The following MBNL1 variants were observed in gnomAD, a reference collection of about 807,000 sequenced individuals.
The protein encoded by MBNL1 is muscleblind-like protein 1.
MBNL1 carries 8 observed loss-of-function variants against 42.2 expected under a neutral mutation model. The ratio of observed to expected loss-of-function variants is 0.19; its 90% CI spans 0.11 to 0.34. The LOEUF (loss-of-function observed/expected upper bound fraction) is 0.34. MBNL1 is among the 10% of genes least tolerant of loss of function. The pLI is 1.00. For synonymous variants in MBNL1, 169 were observed against 173.9 expected (o/e 0.97, Z 0.22); for missense variants, 309 against 495.3 (o/e 0.62, Z 3.57).
At chr3:152,441,902 C>T (rs1481938563) in intron 4 of MBNL1, among the ~76,000 whole-genome samples, 1 of 152,176 alleles carries the variant, frequency 6.6e-6, no homozygotes, top group Non-Finnish European at 1.5e-5. Flanking sequence ...AAGCAATTCT[C>T]GTGCCTCAGC....
Position 152,463,985 on chromosome 3 carries a change from A to T in MBNL1, c.*1619A>T, listed in dbSNP as rs952305101. ...ATTTTACTGATTGTACTGTACATCT[A>T]TTAAAGCCTTAGATTATTACATTAC... is the stretch of plus-strand genomic sequence containing the variant. On this transcript the variant is annotated 3_prime_UTR_variant, in exon 10 of 10. Transcript: ENST00000324210. The T allele has an allele frequency of 1.3e-5, 2 of 152,718 alleles. No homozygotes were observed. The highest frequency in any genetic ancestry group is 4.1e-4 in the South Asian group (2 of 4,832). 9.5% of individuals were successfully genotyped at this position (152,718 alleles called of 1,614,324 possible).
intron 1 of MBNL1, among the ~76,000 whole-genome samples, chr3:152,292,725 T>C (rs1342636117): frequency 6.6e-6 from 1 of 152,198 alleles, no homozygotes; most frequent in Non-Finnish European, 1.5e-5. Context: ...TATTTGTGTG[T>C]ATATGTATCT....
intron 2 of MBNL1, 47 bp from the exon 3 acceptor site, chr3:152,414,894 G>T (rs766605689): frequency 7.5e-6 from 12 of 1,591,356 alleles, no homozygotes; most frequent in Non-Finnish European, 9.4e-6. Flanking sequence ...ATAATTTGCT[G>T]ATTTTATTCT....
intron 2 of MBNL1, among the ~76,000 whole-genome samples, chr3:152,402,236 G>A (rs1052519056): frequency 6.6e-6 from 1 of 152,080 alleles, no homozygotes; most frequent in Non-Finnish European, 1.5e-5. Context: ...AGGAGAGTGA[G>A]AGCAGCCTGG....
intron 6 of MBNL1, among the ~76,000 whole-genome samples, chr3:152,452,366 G>A (rs1725037546): frequency 6.6e-6 from 1 of 152,108 alleles, no homozygotes; most frequent in African/African-American, 2.4e-5. Context: ...GAAATAACAG[G>A]CATTACTGGG....
chr3:152,262,755 T>G (rs1294045934), intron 2 of MBNL1: 1 of 152,218 alleles, frequency 6.6e-6, no homozygotes, highest in East Asian at 1.9e-4. Flanking sequence ...GCAAGGGAAT[T>G]CTGGGCTAAA....
chr3:152,323,665 G>A (rs2077716226), intron 2 of MBNL1, among the ~76,000 whole-genome samples: 1 of 152,096 alleles, frequency 6.6e-6, no homozygotes, highest in Middle Eastern at 3.2e-3. Context: ...AATACTGTAG[G>A]CAGTTGTAAC....
At chr3:152,327,145 G>A (rs1029391380) in intron 2 of MBNL1, among the ~76,000 whole-genome samples, 1 of 151,628 alleles carries the variant, frequency 6.6e-6, no homozygotes, top group African/African-American at 2.4e-5. Context: ...AATTTTTTTT[G>A]ATTAATATGT....
intron 2 of MBNL1, among the ~76,000 whole-genome samples, chr3:152,311,516 G>T (rs185080163): frequency 8.5e-5 from 13 of 152,190 alleles, no homozygotes; most frequent in African/African-American, 3.1e-4. Context: ...TGTATGTCAT[G>T]CTTGTTTGTG....
In MBNL1 at chr3:152,393,676, G is replaced by C. The variant is rs1378205455; in HGVS notation, c.175-21265G>C. Among the ~76,000 whole-genome samples the C allele has an allele frequency of 2.6e-5, 4 of 152,058 alleles. No homozygotes were observed. In the East Asian group the frequency reaches 7.7e-4, roughly 29 times the overall value. On this transcript the variant is annotated intron_variant, in intron 2 of 9. Coordinates refer to ENST00000324210, the MANE Select transcript of MBNL1 (RefSeq NM_021038.5). ...TCTTTACCAGTTGGAATTGCATTTT[G>C]TATTTCTTTTTCTATCCTGCATCAC...
chr3:152,386,647 G>A (rs568749960), intron 2 of MBNL1, among the ~76,000 whole-genome samples: 1 of 152,098 alleles, frequency 6.6e-6, no homozygotes, highest in Non-Finnish European at 1.5e-5. Flanking sequence ...CATCCCGTTG[G>A]TGTGTCAAGA....
chr3:152,403,510 C>T (rs2098319409), intron 2 of MBNL1, among the ~76,000 whole-genome samples: 2 of 152,008 alleles, frequency 1.3e-5, no homozygotes. Context: ...TTCAAGGATA[C>T]TAGACACATA....
intron 2 of MBNL1, among the ~76,000 whole-genome samples, chr3:152,246,052 C>T (rs1452681326): frequency 6.6e-6 from 1 of 151,968 alleles, no homozygotes; most frequent in African/African-American, 2.4e-5. Flanking sequence ...CCACTACACT[C>T]CAGCCTAAGT....
intron 2 of MBNL1, among the ~76,000 whole-genome samples, chr3:152,348,204 T>A (rs2094517496): frequency 6.6e-6 from 1 of 152,122 alleles, no homozygotes; most frequent in South Asian, 2.1e-4. Flanking sequence ...ATCTGTCCCT[T>A]ATGGAGAAAA....
intron 2 of MBNL1, among the ~76,000 whole-genome samples, chr3:152,349,922 A>G (rs1332695265): frequency 6.6e-6 from 1 of 152,112 alleles, no homozygotes; most frequent in East Asian, 1.9e-4. Context: ...AGGTGTTAAA[A>G]TTGATGTTTT....
At chr3:152,350,091 C>T (rs1056183966) in intron 2 of MBNL1, among the ~76,000 whole-genome samples, 8 of 151,918 alleles carry the variant, frequency 5.3e-5, no homozygotes, top group African/African-American at 1.9e-4. Flanking sequence ...CAAACCTTGG[C>T]GCATCTCTCT....
intron 6 of MBNL1, among the ~76,000 whole-genome samples, chr3:152,450,692 A>G (rs1008299483): frequency 6.6e-6 from 1 of 152,204 alleles, no homozygotes; most frequent in Non-Finnish European, 1.5e-5. Flanking sequence ...TGTAAACCAC[A>G]ATTGATTGTG....
Position 152,353,781 on chromosome 3 carries a change from G to T in MBNL1, c.174+53414G>T, listed in dbSNP as rs373004958. ...CAAAATCTGGCATGCAAATTCAGAG[G>T]TTCACAAAATCTCTGCAGCCCACCC... On this transcript the variant is annotated intron_variant, in intron 2 of 9. Coordinates refer to ENST00000324210, the MANE Select transcript of MBNL1 (RefSeq NM_021038.5). Among the ~76,000 whole-genome samples, 92 of 151,484 alleles carry T rather than the reference G, an allele frequency of 6.1e-4. No homozygotes were observed. The South Asian group carries it at 0.019, about 31-fold the overall frequency.
intron 2 of MBNL1, among the ~76,000 whole-genome samples, chr3:152,406,665 G>T (rs1385704106): frequency 6.6e-6 from 1 of 152,154 alleles, no homozygotes; most frequent in South Asian, 2.1e-4. Context: ...AAAAGTCATA[G>T]TATCCCAGTG....
Sources: gnomAD v4.1 joint callset for allele counts (sites outside exome capture counted in the v4.1 genomes callset) on GRCh38, gnomAD v4.1.1 for gene constraint, MANE v1.5 for transcripts, NCBI Gene and HGNC (gene_info 2026-07-23, HGNC 2026-07-21) for gene names.